The following HCFC1 variants were observed in gnomAD, a reference collection of about 807,000 sequenced individuals.
HCFC1 encodes host cell factor 1.
A neutral mutation model predicts 105.5 loss-of-function variants in HCFC1; 7 were observed. The ratio of observed to expected loss-of-function variants is 0.07; its 90% CI spans 0.04 to 0.12. The LOEUF is 0.12. Among genes scored for constraint, HCFC1 ranks in the 10% least tolerant of loss-of-function variants. The pLI, the probability that HCFC1 is intolerant of heterozygous loss-of-function variation, is 1.00. For missense variants in HCFC1, 1,065 were observed against 1,823.6 expected, an observed-to-expected ratio of 0.58 and a Z score of 7.58; for synonymous variants, 918 against 828.1, an observed-to-expected ratio of 1.11 and a Z score of -1.86.
rs782670703 is a variant in HCFC1 at position 153,954,181 on chromosome X, C to T, written c.4218G>A (p.Ala1406=). Residue 1406 remains alanine, a synonymous_variant, in exon 17 of 26, where the codon GCG becomes GCA. Coordinates refer to ENST00000310441, the MANE Select transcript of HCFC1 (RefSeq NM_005334.3). ...APSVTPQAGT[A]LLAPFPTQRV... ...TCTGTGTTGGGAAAGGAGCCAGCAG[C>T]GCGGTGCCAGCCTGGGGGGTGACGC... is the stretch of plus-strand genomic sequence containing the variant. 2.7e-5 allele frequency: 33 copies of T among 1,201,044 alleles called. No homozygotes were observed. The highest frequency in any genetic ancestry group is 3.5e-5 in the South Asian group (2 of 56,521).
chrX:153,952,911 C>T lies in HCFC1; in HGVS notation c.4545G>A (p.Pro1515=), dbSNP rs1051153. The change falls in exon 19 of 26, where the codon CCG becomes CCA. Residue 1515 remains proline (P), a synonymous_variant. Transcript: ENST00000310441. ...AAGCCGACTGCAGAAGCTGCCGTGGCGGCAGCTGCTGGCGAGGACCTGGCG... is the reference window on the plus strand; with the variant it reads ...AAGCCGACTGCAGAAGCTGCCGTGGTGGCAGCTGCTGGCGAGGACCTGGCG... ...QVSPGPRQQL[P]PRQLLQSAST... is the part of the protein sequence containing the mutation. The T allele has an allele frequency of 6.1e-3, 7,239 of 1,179,184 alleles. 293 individuals are homozygous for T. The African/African-American group carries it at 0.11, about 18-fold the overall frequency.
chrX:153,956,622 C>T lies in HCFC1; in HGVS notation c.2635+3G>A. 1 of 1,211,810 alleles carries T rather than the reference C, an allele frequency of 8.3e-7. No individual in the cohort carries two copies. On this transcript the variant is annotated splice_donor_region_variant and intron_variant, in intron 15 of 25. Transcript: ENST00000310441. ...GCAGGGGACCTGGCCTATGGGTACA[C>T]ACCTGTGGTGCCTTTCACAACCAAC...
rs1263416322 is a variant in HCFC1, at chrX:153,952,497, G to A, written c.4942+17C>T. On this transcript the variant is annotated intron_variant, in intron 19 of 25. Transcript: ENST00000310441. ...CCCCGAGCGGCCCGGCTTCCCCAGG[G>A]TTGCACCGGCACTCACCCATGACGG... The A allele has an allele frequency of 2.6e-6, 3 of 1,139,356 alleles. No individual in the cohort carries two copies. Among genetic ancestry groups the A allele is most frequent in the Non-Finnish European group, 3.5e-6 (3 of 861,331 alleles). The allele number at this position is 1,139,356 out of a possible 1,213,427, so 93.9% of individuals were successfully genotyped here. A position where few individuals can be genotyped will look rare whatever the true frequency, so the allele number is the denominator to read the frequency against.
At position 153,960,930 on chromosome X, in the gene HCFC1, C is replaced by T. The variant is rs1347282029; in HGVS notation, c.905-516G>A. On this transcript the variant is annotated intron_variant, in intron 6 of 25. Coordinates refer to ENST00000310441, the MANE Select transcript of HCFC1 (RefSeq NM_005334.3). The stretch of plus-strand genomic sequence containing the variant: ...ACCACTGGAGGCGCCTACGTGGGCA[C>T]AGCCTCTGTGCAGGGCAGTTCAGCC... 6.2e-5 allele frequency among the ~76,000 whole-genome samples: 7 copies of T among 112,784 alleles called. No homozygotes were observed. The Admixed American group carries it at 6.5e-4, about 11-fold the overall frequency.
At position 153,954,301 on chromosome X, in the gene HCFC1, G is replaced by T. The variant is rs782319089; in HGVS notation, c.4098C>A (p.Gly1366=). 1.7e-6 allele frequency: 2 copies of T among 1,197,641 alleles called. No homozygotes were observed. Among genetic ancestry groups the T allele is most frequent in the African/African-American group, 3.5e-5 (2 of 57,099 alleles). The change falls in exon 17 of 26, where the codon GGC becomes GGA. Residue 1366 remains glycine (G), a synonymous_variant. Coordinates refer to ENST00000310441, the MANE Select transcript of HCFC1 (RefSeq NM_005334.3). ...PCETHQTTST[G]TTMSVSVGAL... ...CACCCACGCTGACCGACATGGTGGT[G>T]CCAGTGGAAGTGGTCTGGTGTGTCT...
intron 4 of HCFC1, among the ~76,000 whole-genome samples, chrX:153,962,858 A>G (rs1196912639): frequency 1.8e-5 from 2 of 111,757 alleles, no homozygotes; most frequent in Admixed American, 1.9e-4. Context: ...CCGGCATCCA[A>G]TGGTACCACA....
chrX:153,970,544 GGGA>G lies in HCFC1; in HGVS notation c.193+101_193+103del, dbSNP rs374576624. 8.4e-5 allele frequency: 44 copies of G among 525,824 alleles called. No homozygotes were observed. The South Asian group carries it at 1.3e-3, about 16-fold the overall frequency. The allele number at this position is 525,824 out of a possible 1,213,427, so 43.3% of individuals were successfully genotyped here. A position where few individuals can be genotyped will look rare whatever the true frequency, so the allele number is the denominator to read the frequency against. ...GAGGGTGAGGGAGGAGATGGAGGGA[GGGA>G]GGAGAGGGAGGGAGCAGATGGAGGG... On this transcript the variant is annotated intron_variant, in intron 1 of 25. Coordinates refer to ENST00000310441, the MANE Select transcript of HCFC1 (RefSeq NM_005334.3).
rs868987208 is a variant in HCFC1, at chrX:153,959,271, T to C, written c.1605+60A>G. 6.2e-6 allele frequency: 7 copies of C among 1,125,223 alleles called. No homozygotes were observed. In the Middle Eastern group the frequency reaches 9.8e-4, roughly 158 times the overall value. 92.7% of individuals were successfully genotyped at this position (1,125,223 alleles called of 1,213,427 possible). ...GAGGGATGTGAACCCCTCAGTACAC[T>C]TGCAACTTAATCCACTGGATCAACA... On this transcript the variant is annotated intron_variant, in intron 9 of 25. Coordinates refer to ENST00000310441, the MANE Select transcript of HCFC1 (RefSeq NM_005334.3).
At chrX:153,963,138 C>T in intron 4 of HCFC1, 87 bp downstream of exon 4, 1 of 686,203 alleles carries the variant, frequency 1.5e-6, no homozygotes, top group Non-Finnish European at 2.3e-6. Flanking sequence ...AGCCCCACCT[C>T]ACCATACAAC....
chrX:153,964,540 G>A (rs984024878), intron 2 of HCFC1, 38 bp downstream of exon 2: 41 of 1,166,584 alleles, frequency 3.5e-5, no homozygotes, highest in Non-Finnish European at 4.7e-5. Flanking sequence ...GGTCACATGG[G>A]GCCAAGGAGG....
rs782088545 is a variant in HCFC1 at position 153,965,915 on chromosome X, C to G, written c.194-1189G>C. On this transcript the variant is annotated intron_variant, in intron 1 of 25. Coordinates refer to ENST00000310441, the MANE Select transcript of HCFC1 (RefSeq NM_005334.3). The stretch of plus-strand genomic sequence containing the variant: ...CTGACCATGGTTGGGAATGCATGCC[C>G]CACTGCACTCTGGTCCCACCCAGTC... 5.3e-5 allele frequency among the ~76,000 whole-genome samples: 6 copies of G among 112,355 alleles called. No homozygotes were observed. The South Asian group carries it at 2.2e-3, about 41-fold the overall frequency.
At position 153,971,245 on chromosome X, in the gene HCFC1, G is replaced by A. The variant is rs2065530664; in HGVS notation, c.-405C>T. The A allele has an allele frequency of 1.3e-5, 4 of 308,498 alleles. No individual in the cohort carries two copies. The highest frequency in any genetic ancestry group is 1.1e-5 in the Non-Finnish European group (2 of 177,586). The allele number at this position is 308,498 out of a possible 1,213,427, so 25.4% of individuals were successfully genotyped here. A position where few individuals can be genotyped will look rare whatever the true frequency, so the allele number is the denominator to read the frequency against. On this transcript the variant is annotated 5_prime_UTR_variant, in exon 1 of 26. Transcript: ENST00000310441. Reference sequence around the variant, plus strand: ...GCCGGAAATGGCGGAGCCCCGGCCCGGTTCCCACACCCCCAAGTCCCCAGC... The same window carrying A: ...GCCGGAAATGGCGGAGCCCCGGCCCAGTTCCCACACCCCCAAGTCCCCAGC...
intron 12 of HCFC1, 100 bp downstream of exon 12, chrX:153,957,682 G>A: frequency 2.6e-6 from 2 of 771,705 alleles, no homozygotes; most frequent in African/African-American, 2.1e-5. Context: ...GCTGAGCCAT[G>A]TGTGCTCATG....
chrX:153,954,847 C>T lies in HCFC1; in HGVS notation c.3552G>A (p.Gly1184=). Reference sequence around the variant, plus strand: ...GGAGTGGGCCGGCCGAGCACGGGGCCCCGGTGGCCATCACAGTCATGGTGG... The same window carrying T: ...GGAGTGGGCCGGCCGAGCACGGGGCTCCGGTGGCCATCACAGTCATGGTGG... ...TSTTMTVMAT[G]APCSAGPLLG... The change falls in exon 17 of 26, where the codon GGG becomes GGA. Residue 1184 remains glycine, a synonymous_variant. Transcript: ENST00000310441. 8.7e-7 allele frequency: 1 copy of T among 1,150,575 alleles called. No individual in the cohort carries two copies. The highest frequency in any genetic ancestry group is 1.1e-6 in the Non-Finnish European group (1 of 870,639). 94.8% of individuals were successfully genotyped at this position (1,150,575 alleles called of 1,213,427 possible). A position where few individuals can be genotyped will look rare whatever the true frequency, so the allele number is the denominator to read the frequency against.
intron 1 of HCFC1, among the ~76,000 whole-genome samples, chrX:153,967,832 G>C (rs1480295444): frequency 8.9e-6 from 1 of 111,979 alleles, no homozygotes; most frequent in Admixed American, 9.5e-5. Context: ...AAGAGGAGAG[G>C]AGGGCTTGGT....
At chrX:153,953,507 C>T in intron 18 of HCFC1, 100 bp downstream of exon 18, 1 of 880,476 alleles carries the variant, frequency 1.1e-6, no homozygotes, top group Admixed American at 2.6e-5. Context: ...CCAGGAGCGG[C>T]CCCATGCCTG....
chrX:153,957,579 G>C, intron 12 of HCFC1, 46 bp from the exon 13 acceptor site: 1 of 1,039,713 alleles, frequency 9.6e-7, no homozygotes, highest in African/African-American at 1.8e-5. Context: ...CTGCCAGGAA[G>C]GGAAGTGTGG....
intron 9 of HCFC1, 84 bp downstream of exon 9, chrX:153,959,247 A>G: frequency 1.0e-6 from 1 of 996,843 alleles, no homozygotes; most frequent in Non-Finnish European, 1.4e-6. Context: ...AGAGCCCGAG[A>G]GGGATGTGAA....
intron 21 of HCFC1, 31 bp downstream of exon 21, chrX:153,951,558 G>A (rs781885582): frequency 1.1e-5 from 13 of 1,202,042 alleles, no homozygotes; most frequent in Admixed American, 6.6e-5. Context: ...CCCAGGCCAC[G>A]GACTCAGGAG....
Sources: allele counts gnomAD v4.1 joint callset (sites outside exome capture counted in the v4.1 genomes callset), GRCh38; gene constraint gnomAD v4.1.1; transcripts MANE v1.5; gene names NCBI Gene and HGNC (gene_info 2026-07-23, HGNC 2026-07-21).